The following DGKB variants were observed in gnomAD, a reference collection of about 807,000 sequenced individuals.
The protein encoded by DGKB is 90 kDa diacylglycerol kinase.
DGKB carries 67 observed loss-of-function variants against 114.3 expected under a neutral mutation model. That is an observed-to-expected ratio of 0.59 (90% CI 0.48 to 0.72). DGKB has a LOEUF of 0.72. Among genes scored for constraint, DGKB ranks in the 30% least tolerant of loss-of-function variants. The pLI, the probability that DGKB is intolerant of heterozygous loss-of-function variation, is 0.00. For synonymous variants in DGKB, 398 were observed against 323.1 expected, an observed-to-expected ratio of 1.23 and a Z score of -2.49; for missense variants, 907 against 975.2, an observed-to-expected ratio of 0.93 and a Z score of 0.93.
At chr7:14,909,153 C>A (rs997944485) in intron 1 of DGKB, among the ~76,000 whole-genome samples, 1 of 152,152 alleles carries the variant, frequency 6.6e-6, no homozygotes, top group Non-Finnish European at 1.5e-5. Context: ...TTTCCTGCAT[C>A]CAACTTGAAG....
chr7:14,811,819 T>TTGTATTA (rs1388521211), intron 2 of DGKB, among the ~76,000 whole-genome samples: 1 of 85,764 alleles, frequency 1.2e-5, no homozygotes, highest in Non-Finnish European at 2.1e-5. Flanking sequence ...CACACAACCA[T>TTGTATTA]TTTTAAGGGT....
Position 14,464,521 on chromosome 7 carries a change from G to A in DGKB, c.1835+13640C>T, listed in dbSNP as rs1833557780. 2.0e-5 allele frequency among the ~76,000 whole-genome samples: 3 copies of A among 152,166 alleles called. No individual in the cohort carries two copies. The South Asian group carries it at 6.2e-4, about 32-fold the overall frequency. On this transcript the variant is annotated intron_variant, in intron 21 of 25. Coordinates refer to ENST00000402815, the MANE Select transcript of DGKB (RefSeq NM_001350709.2). ...ACATCACAGTGACTACTAAACATCAGTAAGTAAGAAGAGTGCATAGTGGCA... is the reference window on the plus strand; with the variant it reads ...ACATCACAGTGACTACTAAACATCAATAAGTAAGAAGAGTGCATAGTGGCA...
At chr7:14,886,325 G>A (rs1855044167) in intron 1 of DGKB, among the ~76,000 whole-genome samples, 2 of 151,828 alleles carry the variant, frequency 1.3e-5, no homozygotes, top group Admixed American at 1.3e-4. Context: ...GCTCAGTTTT[G>A]ATACTATTCT....
At chr7:14,642,664 A>G (rs959707826) in intron 13 of DGKB, among the ~76,000 whole-genome samples, 1 of 152,220 alleles carries the variant, frequency 6.6e-6, no homozygotes, top group Non-Finnish European at 1.5e-5. Context: ...ACTCAGGGAA[A>G]TTCTGAAAAA....
At chr7:14,946,589 T>A (rs377518321) in intron 1 of DGKB, among the ~76,000 whole-genome samples, 11 of 151,820 alleles carry the variant, frequency 7.2e-5, no homozygotes, top group East Asian at 5.8e-4. Flanking sequence ...ACTACACACA[T>A]ACACACAAAT....
intron 20 of DGKB, among the ~76,000 whole-genome samples, chr7:14,513,090 A>G (rs1213508433): frequency 6.6e-6 from 1 of 152,104 alleles, no homozygotes; most frequent in African/African-American, 2.4e-5. Flanking sequence ...TGTAATGAAT[A>G]CGTGAAAGGA....
intron 22 of DGKB, among the ~76,000 whole-genome samples, chr7:14,339,188 G>A (rs1415858529): frequency 2.0e-5 from 3 of 148,986 alleles, no homozygotes; most frequent in Non-Finnish European, 4.4e-5. Context: ...AGAGAAAGAA[G>A]TAGCTTAAAA....
intron 17 of DGKB, among the ~76,000 whole-genome samples, chr7:14,594,229 T>C (rs779863390): frequency 2.6e-5 from 4 of 152,150 alleles, no homozygotes; most frequent in African/African-American, 9.6e-5. Flanking sequence ...TTGAACTTAG[T>C]ATTTTCATAC....
chr7:14,952,128 A>G (rs1369750926), intron 1 of DGKB, among the ~76,000 whole-genome samples: 2 of 152,048 alleles, frequency 1.3e-5, no homozygotes, highest in Non-Finnish European at 2.9e-5. Context: ...ACATACATAT[A>G]CAAAGAGGAA....
rs529562832 is a variant in DGKB, at chr7:14,372,940, G to A, written c.1836-27549C>T. On this transcript the variant is annotated intron_variant, in intron 21 of 25. Coordinates refer to ENST00000402815, the MANE Select transcript of DGKB (RefSeq NM_001350709.2). ...AAATATTTCCATTTTCCCCTTCTGG[G>A]AGCAAGGTGGGAGTATATCTCCTGG... is the stretch of plus-strand genomic sequence containing the variant. Among the ~76,000 whole-genome samples the A allele has an allele frequency of 2.4e-4, 36 of 152,160 alleles. No individual in the cohort carries two copies. In the Middle Eastern group the frequency reaches 0.01, roughly 43 times the overall value.
chr7:14,321,069 T>C (rs183014037), intron 23 of DGKB, among the ~76,000 whole-genome samples: 1 of 152,170 alleles, frequency 6.6e-6, no homozygotes, highest in African/African-American at 2.4e-5. Flanking sequence ...GGCGGGCGGA[T>C]GACTTGAGCC....
intron 23 of DGKB, among the ~76,000 whole-genome samples, chr7:14,273,924 T>G (rs979720): frequency 6.6e-6 from 1 of 152,184 alleles, no homozygotes; most frequent in East Asian, 1.9e-4. Context: ...AATACCTAAG[T>G]TTATTTACAA....
intron 23 of DGKB, among the ~76,000 whole-genome samples, chr7:14,228,381 A>G (rs1791162839): frequency 6.6e-6 from 1 of 152,014 alleles, no homozygotes. Context: ...TTGTTATTTT[A>G]GTTGCTGTAA....
chr7:14,696,754 A>G (rs1204006710), intron 8 of DGKB, among the ~76,000 whole-genome samples: 1 of 152,178 alleles, frequency 6.6e-6, no homozygotes, highest in Non-Finnish European at 1.5e-5. Flanking sequence ...CATCTACTTT[A>G]TTATTCCACA....
chr7:14,613,551 GT>G (rs973177022), intron 15 of DGKB, 138 bp from the exon 16 acceptor site: 1 of 570,972 alleles, frequency 1.8e-6, no homozygotes, highest in African/African-American at 1.9e-5. Context: ...GTGTGCATGT[GT>G]GTGTGAGTGT....
chr7:14,918,876 A>G (rs1784369584), intron 1 of DGKB, among the ~76,000 whole-genome samples: 2 of 151,946 alleles, frequency 1.3e-5, no homozygotes, highest in South Asian at 2.1e-4. Context: ...CAACTGGCCA[A>G]CACGGTGAAA....
intron 23 of DGKB, among the ~76,000 whole-genome samples, chr7:14,261,817 G>A (rs757445648): frequency 6.6e-6 from 1 of 151,958 alleles, no homozygotes; most frequent in African/African-American, 2.4e-5. Flanking sequence ...ATTCTTTTAC[G>A]ACTAGACACA....
rs62443504 is a variant in DGKB at position 14,524,648 on chromosome 7, C to T, written c.1771-46423G>A. On this transcript the variant is annotated intron_variant, in intron 20 of 25. Transcript: ENST00000402815. ...GTATGTGCCTGTAGTCCCAGCCATT[C>T]GGGAGGCTGAGGTGGTAGAATCTCT... Among the ~76,000 whole-genome samples, 73 of 150,636 alleles carry T rather than the reference C, an allele frequency of 4.8e-4. No individual in the cohort carries two copies. The South Asian group carries it at 4.9e-3, about 10-fold the overall frequency.
At chr7:14,398,452 A>T (rs1372155103) in intron 21 of DGKB, among the ~76,000 whole-genome samples, 1 of 152,080 alleles carries the variant, frequency 6.6e-6, no homozygotes, top group Non-Finnish European at 1.5e-5. Context: ...ACAAATTCAC[A>T]TTATGATTTT....
Sources: gnomAD v4.1 joint callset for allele counts (sites outside exome capture counted in the v4.1 genomes callset) on GRCh38, gnomAD v4.1.1 for gene constraint, MANE v1.5 for transcripts, NCBI Gene and HGNC (gene_info 2026-07-23, HGNC 2026-07-21) for gene names.